FBXL17: variants seen among roughly 807,000 people sequenced by gnomAD.
FBXL17 encodes the protein F-box and leucine rich repeat protein 17, also known as F-box/LRR-repeat protein 17.
Under a neutral mutation model 66.2 loss-of-function variants are expected in FBXL17, and 22 were observed. That is an observed-to-expected ratio of 0.33 (90% confidence interval 0.24 to 0.47). The LOEUF (loss-of-function observed/expected upper bound fraction) is 0.47. Among genes scored for constraint, FBXL17 ranks in the 20% least tolerant of loss-of-function variants. The pLI, the probability that FBXL17 is intolerant of heterozygous loss-of-function variation, is 1.00. For synonymous variants in FBXL17, 474 were observed against 400.5 expected, an observed-to-expected ratio of 1.18 and a Z score of -2.19; for missense variants, 878 against 948.2, an observed-to-expected ratio of 0.93 and a Z score of 0.97.
At chr5:108,267,350 A>G (rs1757085132) in intron 4 of FBXL17, among the ~76,000 whole-genome samples, 1 of 152,096 alleles carries the variant, frequency 6.6e-6, no homozygotes, top group African/African-American at 2.4e-5. Flanking sequence ...CTACAATAAG[A>G]AATTTCACAT....
chr5:108,007,807 CT>C (rs1233077016), intron 7 of FBXL17, among the ~76,000 whole-genome samples: 3 of 152,112 alleles, frequency 2.0e-5, no homozygotes, highest in Non-Finnish European at 4.4e-5. Flanking sequence ...GATAGAAAGG[CT>C]GTACCTTTCC....
chr5:107,937,299 T>C (rs1750941300), intron 7 of FBXL17, among the ~76,000 whole-genome samples: 1 of 152,266 alleles, frequency 6.6e-6, no homozygotes, highest in Non-Finnish European at 1.5e-5. Flanking sequence ...AGCCCGATCT[T>C]ATTCAATCTA....
At chr5:108,227,192 G>GT (rs1755137164) in intron 4 of FBXL17, among the ~76,000 whole-genome samples, 1 of 152,074 alleles carries the variant, frequency 6.6e-6, no homozygotes, top group Non-Finnish European at 1.5e-5. Flanking sequence ...CCAAGGAACT[G>GT]TATTTTCAAC....
At chr5:108,014,875 C>T (rs1005938300) in intron 7 of FBXL17, among the ~76,000 whole-genome samples, 1 of 152,142 alleles carries the variant, frequency 6.6e-6, no homozygotes, top group Non-Finnish European at 1.5e-5. Context: ...TCTTACATGT[C>T]AGCAGGCAAG....
At position 108,088,420 on chromosome 5, in the gene FBXL17, C is replaced by T. The variant is rs545411038; in HGVS notation, c.1746-67419G>A. 9.9e-5 allele frequency among the ~76,000 whole-genome samples: 15 copies of T among 152,058 alleles called. No individual in the cohort carries two copies. The South Asian group carries it at 3.1e-3, about 32-fold the overall frequency. The stretch of plus-strand genomic sequence containing the variant: ...ACACTAAACTTTTCTAGTTTTATTC[C>T]CATTTTTCTGCTTCTCCTCTGTATA... On this transcript the variant is annotated intron_variant, in intron 6 of 8. Coordinates refer to ENST00000542267, the MANE Select transcript of FBXL17 (RefSeq NM_001163315.3).
chr5:108,026,221 CTT>C (rs1323426589), intron 6 of FBXL17, among the ~76,000 whole-genome samples: 3 of 152,084 alleles, frequency 2.0e-5, no homozygotes, highest in South Asian at 2.1e-4. Flanking sequence ...ATTTATGAGT[CTT>C]ATATTTATAG....
intron 6 of FBXL17, among the ~76,000 whole-genome samples, chr5:108,037,173 T>C (rs751975050): frequency 6.6e-6 from 1 of 152,204 alleles, no homozygotes; most frequent in Non-Finnish European, 1.5e-5. Flanking sequence ...ATGATATTTA[T>C]TTTACAGTAA....
chr5:107,933,441 T>C (rs1458800245), intron 7 of FBXL17, among the ~76,000 whole-genome samples: 1 of 152,180 alleles, frequency 6.6e-6, no homozygotes, highest in Non-Finnish European at 1.5e-5. Flanking sequence ...GTCACTTACA[T>C]TGGACTTAAG....
chr5:108,054,371 G>A (rs1747602962), intron 6 of FBXL17, among the ~76,000 whole-genome samples: 1 of 152,094 alleles, frequency 6.6e-6, no homozygotes, highest in African/African-American at 2.4e-5. Flanking sequence ...ACTCCAGGAA[G>A]AAAAGGAGGG....
At chr5:108,088,609 G>A (rs1389695124) in intron 6 of FBXL17, among the ~76,000 whole-genome samples, 1 of 146,634 alleles carries the variant, frequency 6.8e-6, no homozygotes, top group Non-Finnish European at 1.5e-5. Context: ...ACTGATGCAG[G>A]AGAATCGCTT....
chr5:108,338,573 A>G (rs1746666256), intron 4 of FBXL17, among the ~76,000 whole-genome samples: 1 of 152,140 alleles, frequency 6.6e-6, no homozygotes, highest in South Asian at 2.1e-4. Flanking sequence ...AAATAATGAA[A>G]TATGGCAGCC....
At chr5:108,294,043 CAAA>C (rs71624893) in intron 4 of FBXL17, among the ~76,000 whole-genome samples, 2 of 51,122 alleles carry the variant, frequency 3.9e-5, no homozygotes, top group African/African-American at 1.5e-4. Context: ...TCTTGTCTCA[CAAA>C]AAAAAAAAAA....
intron 5 of FBXL17, among the ~76,000 whole-genome samples, chr5:108,203,954 T>C (rs1018296940): frequency 8.5e-5 from 13 of 152,148 alleles, no homozygotes; most frequent in Non-Finnish European, 1.6e-4. Context: ...TTTTAAAATA[T>C]GTGCTTTTCT....
At chr5:108,370,436 G>C (rs989565999) in intron 1 of FBXL17, among the ~76,000 whole-genome samples, 1 of 152,220 alleles carries the variant, frequency 6.6e-6, no homozygotes, top group African/African-American at 2.4e-5. Context: ...AACAAGTCTA[G>C]TGAGAAGTAT....
At chr5:108,080,013 T>C (rs192980227) in intron 6 of FBXL17, among the ~76,000 whole-genome samples, 2 of 152,314 alleles carry the variant, frequency 1.3e-5, no homozygotes, top group Admixed American at 6.5e-5. Context: ...AAGCACAGTG[T>C]TTCTGTATTA....
chr5:108,213,188 CAGTG>C (rs1296824454), intron 5 of FBXL17, among the ~76,000 whole-genome samples: 1 of 152,104 alleles, frequency 6.6e-6, no homozygotes, highest in Non-Finnish European at 1.5e-5. Flanking sequence ...GCTGTGCTGA[CAGTG>C]AGAATTTCAA....
intron 7 of FBXL17, among the ~76,000 whole-genome samples, chr5:107,980,401 AT>A (rs76242029): frequency 0.29 from 42,742 of 145,968 alleles, 6,747 homozygotes; most frequent in East Asian, 0.5. Flanking sequence ...TTTACTTAAT[AT>A]TTTTTTTTTT....
intron 4 of FBXL17, among the ~76,000 whole-genome samples, chr5:108,294,043 C>CAAAAA (rs71624893): frequency 3.9e-4 from 20 of 51,116 alleles, no homozygotes; most frequent in Middle Eastern, 0.024. Context: ...TCTTGTCTCA[C>CAAAAA]AAAAAAAAAA....
Position 108,185,849 on chromosome 5 carries a change from T to C in FBXL17, c.1745+268A>G, listed in dbSNP as rs191007820. Among the ~76,000 whole-genome samples the C allele has an allele frequency of 3.2e-3, 487 of 152,300 alleles. 2 individuals carry two copies. Among genetic ancestry groups the C allele is most frequent in the South Asian group, 0.011 (51 of 4,832 alleles). ...TGGCAAAAAGCAGGTATGTCTTAGA[T>C]GGATAACAAAGAAAAAATTCAACAG... On this transcript the variant is annotated intron_variant, in intron 6 of 8. Coordinates refer to ENST00000542267, the MANE Select transcript of FBXL17 (RefSeq NM_001163315.3).
Sources: allele counts gnomAD v4.1 joint callset (sites outside exome capture counted in the v4.1 genomes callset), GRCh38; gene constraint gnomAD v4.1.1; transcripts MANE v1.5; gene names NCBI Gene and HGNC (gene_info 2026-07-23, HGNC 2026-07-21).